The following ARHGAP45 variants were observed in gnomAD, a reference collection of about 807,000 sequenced individuals.
The protein encoded by ARHGAP45 is rho GTPase-activating protein 45.
ARHGAP45 carries 56 observed loss-of-function variants against 116.1 expected under a neutral mutation model. The ratio of observed to expected loss-of-function variants is 0.48; its 90% CI spans 0.39 to 0.60. The LOEUF is 0.60. ARHGAP45 is among the 20% of genes least tolerant of loss of function. ARHGAP45 has a pLI of 0.00. For synonymous variants in ARHGAP45, 866 were observed against 701.7 expected (o/e 1.23, Z -3.70); for missense variants, 1,622 against 1,601.0 (o/e 1.01, Z -0.22).
chr19:1,068,725 G>A lies in ARHGAP45; in HGVS notation c.402G>A (p.Lys134=), dbSNP rs750317136. 138 of 1,612,410 alleles carry A rather than the reference G, an allele frequency of 8.6e-5. No individual in the cohort carries two copies. The highest frequency in any genetic ancestry group is 1.2e-4 in the Non-Finnish European group (136 of 1,179,906). ...TCGCTGAGGGCCTTGAGAAACTTAA[G>A]GAGTGTGTGTTGCGTGACGGTGAGA... ...ARFAEGLEKL[K]ECVLRDDLLE... The change falls in exon 2 of 23, where the codon AAG becomes AAA. Residue 134 remains lysine (K), a synonymous_variant. Coordinates refer to ENST00000313093, the MANE Select transcript of ARHGAP45 (RefSeq NM_012292.5). This position sits in a 1 kb window ranked among gnomAD's most constrained non-coding sequence, Gnocchi z 7.5.
At position 1,068,903 on chromosome 19, in the gene ARHGAP45, G is replaced by A. The variant is rs976911590; in HGVS notation, c.421+159G>A. Among the ~76,000 whole-genome samples, 2 of 152,130 alleles carry A rather than the reference G, an allele frequency of 1.3e-5. No individual in the cohort carries two copies. Among genetic ancestry groups the A allele is most frequent in the Non-Finnish European group, 2.9e-5 (2 of 68,032 alleles). Reference sequence around the variant, plus strand: ...TGACAGCTAAGGCTCTGAGGGATGTGTAGGAGTTTGGTGGGGGAGTCCCTG... The same window carrying A: ...TGACAGCTAAGGCTCTGAGGGATGTATAGGAGTTTGGTGGGGGAGTCCCTG... On this transcript the variant is annotated intron_variant, in intron 2 of 22. Coordinates refer to ENST00000313093, the MANE Select transcript of ARHGAP45 (RefSeq NM_012292.5). The surrounding 1 kb of genome is among the most constrained non-coding windows in gnomAD (Gnocchi z 7.5).
chr19:1,074,314 A>C (rs776499654), intron 7 of ARHGAP45, 29 bp from the exon 8 acceptor site: 1 of 1,608,652 alleles, frequency 6.2e-7, no homozygotes, highest in Non-Finnish European at 8.5e-7. Flanking sequence ...GCCTTGTCCC[A>C]GCACCTCACA....
In ARHGAP45 at chr19:1,080,677, C is replaced by T. The variant is rs776313741; in HGVS notation, c.1913-5C>T. The T allele has an allele frequency of 1.3e-5, 21 of 1,612,952 alleles. No individual in the cohort carries two copies. The highest frequency in any genetic ancestry group is 2.2e-5 in the East Asian group (1 of 44,892). On this transcript the variant is annotated splice_region_variant and splice_polypyrimidine_tract_variant and intron_variant, in intron 15 of 22. Coordinates refer to ENST00000313093, the MANE Select transcript of ARHGAP45 (RefSeq NM_012292.5). Reference sequence around the variant, plus strand: ...GGAGTCTGAACAGTCCTGATTCCCGCCCAGGGGACTTTAAGAAGTTCGAGC... The same window carrying T: ...GGAGTCTGAACAGTCCTGATTCCCGTCCAGGGGACTTTAAGAAGTTCGAGC...
chr19:1,079,157 G>A (rs1267988415), intron 11 of ARHGAP45, among the ~76,000 whole-genome samples: 1 of 143,796 alleles, frequency 7.0e-6, no homozygotes, highest in Admixed American at 7.0e-5. Context: ...TCCAGCCTGG[G>A]CGACAGAACG....
chr19:1,071,705 T>C lies in ARHGAP45; in HGVS notation c.422-1444T>C, dbSNP rs2043144414. ...CGCCTCGCATCCAGCAGCGAAGACA[T>C]GTTCCGGTCCGGGGTCTCAGGCCCG... On this transcript the variant is annotated intron_variant, in intron 2 of 22. Coordinates refer to ENST00000313093, the MANE Select transcript of ARHGAP45 (RefSeq NM_012292.5). The surrounding 1 kb of genome is among the most constrained non-coding windows in gnomAD (Gnocchi z 4.6). The C allele has an allele frequency of 6.6e-6, 1 of 152,320 alleles. No homozygotes were observed. The allele number at this position is 152,320 out of a possible 1,614,324, so 9.4% of individuals were successfully genotyped here.
In ARHGAP45 at chr19:1,085,935, C is replaced by T. The variant is rs762537828; in HGVS notation, c.3340C>T (p.Pro1114Ser). The change falls in exon 23 of 23, where the codon CCC becomes TCC. Residue 1114 changes from proline (P) to serine (S), a missense_variant. Pro to Ser is a moderately conservative substitution (Grantham distance 74, BLOSUM62 -1). Coordinates refer to ENST00000313093, the MANE Select transcript of ARHGAP45 (RefSeq NM_012292.5). ...CAACAACGTGCTGCAGGCCCCACTGCCCCCCATGAGGCTCCGTGGCGGGCG... is the reference window on the plus strand; with the variant it reads ...CAACAACGTGCTGCAGGCCCCACTGTCCCCCATGAGGCTCCGTGGCGGGCG... ...QSNNVLQAPLPPMRLRGGRMT... is the reference protein window; with the variant it reads ...QSNNVLQAPLSPMRLRGGRMT... The T allele has an allele frequency of 2.5e-6, 4 of 1,612,828 alleles. No homozygotes were observed. Among genetic ancestry groups the T allele is most frequent in the Non-Finnish European group, 3.4e-6 (4 of 1,179,954 alleles).
rs762532921 is a variant in ARHGAP45, at chr19:1,084,257, G to A, written c.2975G>A (p.Arg992Gln). Residue 992 changes from arginine to glutamine, a missense_variant, in exon 22 of 23, where the codon CGA (arginine) becomes CAA (glutamine). Transcript: ENST00000313093. ...TTGCAGGACGAGTCATCCAACCAGCGAGCTGAGGTAGTCGTCCAGGTGCCG... is the reference window on the plus strand; with the variant it reads ...TTGCAGGACGAGTCATCCAACCAGCAAGCTGAGGTAGTCGTCCAGGTGCCG... ...PGGQDESSNQ[R>Q]AEVVVQVPYL... 7.4e-6 allele frequency: 12 copies of A among 1,613,476 alleles called. No homozygotes were observed. Among genetic ancestry groups the A allele is most frequent in the South Asian group, 1.1e-5 (1 of 91,056 alleles).
chr19:1,084,749 AG>A (rs2043552159), intron 22 of ARHGAP45, among the ~76,000 whole-genome samples: 2 of 152,172 alleles, frequency 1.3e-5, no homozygotes, highest in Admixed American at 6.5e-5. Context: ...TGCCGCATCT[AG>A]TTATGGGACA....
chr19:1,084,209 C>G (rs539184404), intron 21 of ARHGAP45, 29 bp from the exon 22 acceptor site: 1 of 1,592,728 alleles, frequency 6.3e-7, no homozygotes, highest in South Asian at 1.1e-5. Flanking sequence ...AGCCCCGGCC[C>G]CTCTATGACT....
At position 1,084,353 on chromosome 19, in the gene ARHGAP45, G is replaced by A. The variant is rs2145093796; in HGVS notation, c.3064+7G>A. 6.2e-7 allele frequency: 1 copy of A among 1,600,448 alleles called. No individual in the cohort carries two copies. Among genetic ancestry groups the A allele is most frequent in the Non-Finnish European group, 8.5e-7 (1 of 1,174,244 alleles). On this transcript the variant is annotated splice_region_variant and intron_variant, in intron 22 of 22. Transcript: ENST00000313093. ...GCGGCGGACGGGTGCAGAGGTGAGT[G>A]TGTGGCTGCCCGAACGGCCCCAAGG...
intron 21 of ARHGAP45, among the ~76,000 whole-genome samples, chr19:1,083,647 G>A (rs548575630): frequency 2.0e-5 from 3 of 152,266 alleles, no homozygotes; most frequent in East Asian, 3.9e-4. Flanking sequence ...TTCCCATCCC[G>A]GTGCTGCCTG....
chr19:1,074,903 G>T, intron 10 of ARHGAP45, 24 bp downstream of exon 10: 1 of 1,450,424 alleles, frequency 6.9e-7, no homozygotes. Context: ...GCGGGGGCGG[G>T]CGGGGGCGGG....
Position 1,077,934 on chromosome 19 carries a change from C to G in ARHGAP45, c.1263C>G (p.Phe421Leu). The change falls in exon 11 of 23, where the codon TTC (phenylalanine) becomes TTG (leucine). Residue 421 changes from phenylalanine to leucine, a missense_variant. This residue lies in a region of ARHGAP45 where 1,334 missense variants were observed against 1,263.8 expected (regional missense o/e 1.06). Coordinates refer to ENST00000313093, the MANE Select transcript of ARHGAP45 (RefSeq NM_012292.5). ...QRCEDHDKAR[F>L]LVAKAEEEQA... ...GCGAGGACCACGACAAGGCTCGCTT[C>G]CTCGTGGCCAAGGCGGAGGAGGAGC... 1 of 1,553,682 alleles carries G rather than the reference C, an allele frequency of 6.4e-7. No homozygotes were observed. The highest frequency in any genetic ancestry group is 1.2e-5 in the South Asian group (1 of 84,234).
Position 1,086,348 on chromosome 19 carries a change from G to A in ARHGAP45, c.*342G>A, listed in dbSNP as rs1046057384. On this transcript the variant is annotated 3_prime_UTR_variant, in exon 23 of 23. Transcript: ENST00000313093. ...CCCAGTGCATCCCCCAGGTCATCACGGGGACGCAGGAGGCAGGCCCTGCCC... is the reference window on the plus strand; with the variant it reads ...CCCAGTGCATCCCCCAGGTCATCACAGGGACGCAGGAGGCAGGCCCTGCCC... 3.3e-5 allele frequency: 9 copies of A among 270,020 alleles called. No individual in the cohort carries two copies. The highest frequency in any genetic ancestry group is 1.1e-4 in the African/African-American group (5 of 44,950). 16.7% of individuals were successfully genotyped at this position (270,020 alleles called of 1,614,324 possible). A position where few individuals can be genotyped will look rare whatever the true frequency, so the allele number is the denominator to read the frequency against.
At chr19:1,084,570 C>T (rs1440177109) in intron 22 of ARHGAP45, among the ~76,000 whole-genome samples, 1 of 152,222 alleles carries the variant, frequency 6.6e-6, no homozygotes. Flanking sequence ...CTACCCCGCA[C>T]TCAGAAACCA....
rs758441689 is a variant in ARHGAP45, at chr19:1,080,803, G to T, written c.2017+17G>T. On this transcript the variant is annotated intron_variant, in intron 16 of 22. Coordinates refer to ENST00000313093, the MANE Select transcript of ARHGAP45 (RefSeq NM_012292.5). Reference sequence around the variant, plus strand: ...TTGAGCAGGGTGAGGGTCCCCTGACGGGGCTGGAGAGAGAGGGGGGTTTGG... The same window carrying T: ...TTGAGCAGGGTGAGGGTCCCCTGACTGGGCTGGAGAGAGAGGGGGGTTTGG... 1 of 1,612,644 alleles carries T rather than the reference G, an allele frequency of 6.2e-7. No homozygotes were observed.
At chr19:1,074,268 G>A (rs781588672) in intron 7 of ARHGAP45, 27 bp downstream of exon 7, 3 of 1,612,280 alleles carry the variant, frequency 1.9e-6, no homozygotes, top group Admixed American at 1.7e-5. Context: ...CAGCAGGGTG[G>A]GTCTGGAGGG....
chr19:1,081,510 G>A (rs1414438718), intron 17 of ARHGAP45, 40 bp from the exon 18 acceptor site: 1 of 1,440,736 alleles, frequency 6.9e-7, no homozygotes, highest in South Asian at 1.5e-5. Context: ...GCTGAGCTGG[G>A]CGCCCCGGGG....
Position 1,071,371 on chromosome 19 carries a change from G to C in ARHGAP45, c.422-1778G>C, listed in dbSNP as rs2043138231. 2 of 1,290,000 alleles carry C rather than the reference G, an allele frequency of 1.6e-6. No individual in the cohort carries two copies. Among genetic ancestry groups the C allele is most frequent in the Non-Finnish European group, 2.0e-6 (2 of 1,018,860 alleles). 79.9% of individuals were successfully genotyped at this position (1,290,000 alleles called of 1,614,324 possible). ...GCGGGCCCCCGAGGTGAGGGGACAG[G>C]TGCCGGGCGCTGGGTCCCGCCGCGT... On this transcript the variant is annotated intron_variant, in intron 2 of 22. Transcript: ENST00000313093. The surrounding 1 kb of genome is among the most constrained non-coding windows in gnomAD (Gnocchi z 4.6).
Sources: gnomAD v4.1 joint callset for allele counts (sites outside exome capture counted in the v4.1 genomes callset) on GRCh38, gnomAD v4.1.1 for gene constraint, gnomAD v4.1.1 regional missense constraint, Gnocchi (gnomAD v3.1) non-coding constraint, MANE v1.5 for transcripts, NCBI Gene and HGNC (gene_info 2026-07-23, HGNC 2026-07-21) for gene names.